ZFYVE26: variants seen among roughly 807,000 people sequenced by gnomAD.
ZFYVE26 encodes the protein zinc finger FYVE domain-containing protein 26.
ZFYVE26 carries 181 observed loss-of-function variants against 276.5 expected under a neutral mutation model. The observed-to-expected ratio is 0.65, with a 90% CI of 0.58 to 0.74. The LOEUF is 0.74. ZFYVE26 is among the 30% of genes least tolerant of loss of function. The pLI is 0.00. For synonymous variants in ZFYVE26, 1,129 were observed against 1,203.1 expected, an observed-to-expected ratio of 0.94 and a Z score of 1.27; for missense variants, 2,821 against 3,097.9, an observed-to-expected ratio of 0.91 and a Z score of 2.12.
In ZFYVE26 at chr14:67,783,126, G is replaced by A. The variant is rs773277666; in HGVS notation, c.4026C>T (p.Arg1342=). 10 of 1,609,048 alleles carry A rather than the reference G, an allele frequency of 6.2e-6. No homozygotes were observed. Among genetic ancestry groups the A allele is most frequent in the Non-Finnish European group, 8.5e-6 (10 of 1,176,408 alleles). ...GCTCTGCAGCCAGAGGCACCTCCCT[G>A]CGGCCACGAAGTTCCTTCCATGACA... is the stretch of plus-strand genomic sequence containing the variant. ...PSLSWKELRG[R]REVPLAAEQV... is the part of the protein sequence containing the mutation. The change falls in exon 21 of 42, where the codon CGC becomes CGT. Residue 1342 remains arginine, a synonymous_variant. Transcript: ENST00000347230.
At position 67,810,697 on chromosome 14, in the gene ZFYVE26, C is replaced by T. The variant is rs72723193; in HGVS notation, c.274-1408G>A. 3.1e-3 allele frequency among the ~76,000 whole-genome samples: 478 copies of T among 152,274 alleles called. 1 individual carries two copies. The highest frequency in any genetic ancestry group is 5.0e-3 in the Non-Finnish European group (340 of 68,024). On this transcript the variant is annotated intron_variant, in intron 3 of 41. Coordinates refer to ENST00000347230, the MANE Select transcript of ZFYVE26 (RefSeq NM_015346.4). Reference sequence around the variant, plus strand: ...ACTTACCTTCACCTGGTCCCTAACACACAAATTGGAGTCTCCCCTTTTCCA... The same window carrying T: ...ACTTACCTTCACCTGGTCCCTAACATACAAATTGGAGTCTCCCCTTTTCCA...
At chr14:67,775,770 A>C in intron 26 of ZFYVE26, 90 bp downstream of exon 26, 1 of 1,601,438 alleles carries the variant, frequency 6.2e-7, no homozygotes, top group Non-Finnish European at 8.5e-7. Context: ...ATCAACCCAA[A>C]ATATTAAAAG....
At chr14:67,750,922 C>T in intron 41 of ZFYVE26, 130 bp downstream of exon 41, 1 of 1,205,516 alleles carries the variant, frequency 8.3e-7, no homozygotes, top group South Asian at 1.2e-5. Context: ...CTCAGCTCCA[C>T]CTCTGATAAT....
chr14:67,756,951 C>T (rs1310812999), intron 35 of ZFYVE26, among the ~76,000 whole-genome samples: 1 of 152,216 alleles, frequency 6.6e-6, no homozygotes, highest in Non-Finnish European at 1.5e-5. Flanking sequence ...CTGCTCTTTC[C>T]ACAGTCTTCC....
chr14:67,793,661 C>T lies in ZFYVE26; in HGVS notation c.2500G>A (p.Glu834Lys). 6.2e-7 allele frequency: 1 copy of T among 1,613,868 alleles called. No individual in the cohort carries two copies. The highest frequency in any genetic ancestry group is 8.5e-7 in the Non-Finnish European group (1 of 1,179,870). The change falls in exon 14 of 42, where the codon GAG becomes AAG. Residue 834 changes from glutamate (E) to lysine (K), a missense_variant. By Grantham distance (56) the Glu-to-Lys change is moderately conservative (BLOSUM62 1). Transcript: ENST00000347230. ...SLIPMMFSPPESLLASCILRG... is the reference protein window; with the variant it reads ...SLIPMMFSPPKSLLASCILRG... Reference sequence around the variant, plus strand: ...AGGATGCAGGATGCCAGCAGTGACTCAGGTGGGGAGAACATCATGGGGATG... The same window carrying T: ...AGGATGCAGGATGCCAGCAGTGACTTAGGTGGGGAGAACATCATGGGGATG...
chr14:67,799,627 A>G lies in ZFYVE26; in HGVS notation c.1640-1005T>C, dbSNP rs1304602296. 3.5e-6 allele frequency: 5 copies of G among 1,432,848 alleles called. No homozygotes were observed. In the Admixed American group the frequency reaches 5.0e-5, roughly 14 times the overall value. The allele number at this position is 1,432,848 out of a possible 1,614,324, so 88.8% of individuals were successfully genotyped here. ...AGAAATAATAGAATTTTTCTCTTCA[A>G]AGGTCCTTAGGTGTAAATTGATGCC... On this transcript the variant is annotated intron_variant, in intron 10 of 41. Transcript: ENST00000347230.
At position 67,746,850 on chromosome 14, in the gene ZFYVE26, G is replaced by T. The variant is rs2038498137; in HGVS notation, c.*1586C>A. 6.6e-6 allele frequency: 1 copy of T among 152,618 alleles called. No homozygotes were observed. The highest frequency in any genetic ancestry group is 1.5e-5 in the Non-Finnish European group (1 of 68,058). 9.5% of individuals were successfully genotyped at this position (152,618 alleles called of 1,614,324 possible). On this transcript the variant is annotated 3_prime_UTR_variant, in exon 42 of 42. Coordinates refer to ENST00000347230, the MANE Select transcript of ZFYVE26 (RefSeq NM_015346.4). Reference sequence around the variant, plus strand: ...AGAGAAGGACATTTCCTGGGAGATGGATACGTTCTATGACTCAAGGAAGGA... The same window carrying T: ...AGAGAAGGACATTTCCTGGGAGATGTATACGTTCTATGACTCAAGGAAGGA...
In ZFYVE26 at chr14:67,753,769, G is replaced by A. The variant is rs377751199; in HGVS notation, c.7129-3C>T. The A allele has an allele frequency of 3.1e-6, 5 of 1,611,438 alleles. No individual in the cohort carries two copies. Among genetic ancestry groups the A allele is most frequent in the African/African-American group, 1.3e-5 (1 of 74,350 alleles). On this transcript the variant is annotated splice_region_variant and splice_polypyrimidine_tract_variant and intron_variant, in intron 38 of 41. Transcript: ENST00000347230. The stretch of plus-strand genomic sequence containing the variant: ...ACATTTTTCCCTCCCAGCATGACCT[G>A]AAAAGGAAAGGGAATCATGCTTAAA...
intron 16 of ZFYVE26, 42 bp from the exon 17 acceptor site, chr14:67,786,275 TTG>T (rs1566885551): frequency 1.9e-6 from 1 of 530,400 alleles, no homozygotes; most frequent in Admixed American, 4.7e-5. Context: ...AAAAAAAAAA[TTG>T]AAGTGTTTTC....
chr14:67,785,121 G>C lies in ZFYVE26; in HGVS notation c.3461C>G (p.Thr1154Ser). The change falls in exon 19 of 42, where the codon ACC becomes AGC. Residue 1154 changes from threonine (T) to serine (S), a missense_variant. Thr to Ser is a moderately conservative substitution (Grantham distance 58). Transcript: ENST00000347230. The part of the protein sequence containing the change: ...SGSRQMDYLG[T>S]FFSYCSTLAA... Reference sequence around the variant, plus strand: ...AAGGGTGCTGCAGTAACTGAAGAAGGTGCCCAAGTAGTCCATCTGCCTGCT... The same window carrying C: ...AAGGGTGCTGCAGTAACTGAAGAAGCTGCCCAAGTAGTCCATCTGCCTGCT... The C allele has an allele frequency of 6.2e-7, 1 of 1,614,206 alleles. No homozygotes were observed. The highest frequency in any genetic ancestry group is 8.5e-7 in the Non-Finnish European group (1 of 1,180,052).
intron 4 of ZFYVE26, among the ~76,000 whole-genome samples, chr14:67,808,815 T>A (rs1314899683): frequency 6.6e-6 from 1 of 152,110 alleles, no homozygotes; most frequent in Non-Finnish European, 1.5e-5. Flanking sequence ...AACTGATACA[T>A]GCTATAACGA....
chr14:67,809,411 T>A lies in ZFYVE26; in HGVS notation c.274-122A>T, dbSNP rs867067712. 0.24 allele frequency: 88,241 copies of A among 361,710 alleles called. 2,807 individuals are homozygous for A. The highest frequency in any genetic ancestry group is 0.33 in the South Asian group (9,061 of 27,274). 22.4% of individuals were successfully genotyped at this position (361,710 alleles called of 1,614,324 possible). On this transcript the variant is annotated intron_variant, in intron 3 of 41. Transcript: ENST00000347230. The stretch of plus-strand genomic sequence containing the variant: ...TATTTCTCTAAGATGAAGCACTCTT[T>A]TTTTTTTTTTTTTTTTTTTTTTTTA...
intron 19 of ZFYVE26, 141 bp from the exon 20 acceptor site, chr14:67,784,577 G>T: frequency 1.3e-6 from 1 of 782,638 alleles, no homozygotes; most frequent in Non-Finnish European, 2.2e-6. Flanking sequence ...TCTAGGTAAA[G>T]GGTATTCTCA....
At chr14:67,799,038 A>T in intron 10 of ZFYVE26, 1 of 1,178,200 alleles carries the variant, frequency 8.5e-7, no homozygotes. Context: ...GTTCCCAGTG[A>T]CAAAGAACAG....
At chr14:67,768,728 T>C (rs2039126347) in intron 29 of ZFYVE26, among the ~76,000 whole-genome samples, 180 bp from the exon 30 acceptor site, 1 of 151,974 alleles carries the variant, frequency 6.6e-6, no homozygotes, top group African/African-American at 2.4e-5. Context: ...ATCTCAGCAG[T>C]ATGGTGTGTG....
chr14:67,733,964 C>T (rs2038320138), intron 13 of ZFYVE26: 3 of 727,534 alleles, frequency 4.1e-6, no homozygotes, highest in African/African-American at 1.8e-5. Flanking sequence ...GCGAATCCTG[C>T]CTGCTCTGAT....
Position 67,798,604 on chromosome 14 carries a change from G to A in ZFYVE26, c.1658C>T (p.Ser553Leu), listed in dbSNP as rs1201018773. 3 of 1,614,000 alleles carry A rather than the reference G, an allele frequency of 1.9e-6. No homozygotes were observed. The highest frequency in any genetic ancestry group is 1.7e-6 in the Non-Finnish European group (2 of 1,180,048). The change falls in exon 11 of 42, where the codon TCA (serine) becomes TTA (leucine). Residue 553 changes from serine (S) to leucine (L), a missense_variant. Transcript: ENST00000347230. ...CTGTTGACACCTGGCCAGGTAAGTT[G>A]AGAAGAGATTTGCAGCACCTACAAA... ...LSSPGAANLFSTYLARCQQYL... is the reference protein window; with the variant it reads ...LSSPGAANLFLTYLARCQQYL...
intron 14 of ZFYVE26, among the ~76,000 whole-genome samples, chr14:67,792,930 A>AAAAG (rs2039857657): frequency 6.7e-6 from 1 of 150,316 alleles, no homozygotes; most frequent in Non-Finnish European, 1.5e-5. Flanking sequence ...AAAAAAAAAA[A>AAAAG]AAAAGAAAAG....
chr14:67,806,721 T>C, intron 5 of ZFYVE26, 46 bp from the exon 6 acceptor site: 1 of 1,612,498 alleles, frequency 6.2e-7, no homozygotes, highest in Non-Finnish European at 8.5e-7. Context: ...GAACTCTTCT[T>C]TTCTAAGCTA....
Sources: allele counts gnomAD v4.1 joint callset (sites outside exome capture counted in the v4.1 genomes callset), GRCh38; gene constraint gnomAD v4.1.1; transcripts MANE v1.5; gene names NCBI Gene and HGNC (gene_info 2026-07-23, HGNC 2026-07-21).